Variants in DPP9 observed in about 807,000 individuals in gnomAD.
DPP9 encodes dipeptidyl peptidase IV-related protein-2.
A neutral mutation model predicts 110.7 loss-of-function variants in DPP9; 50 were observed. The ratio of observed to expected loss-of-function variants is 0.45; its 90% CI spans 0.36 to 0.57. The LOEUF is 0.57. DPP9 is among the 20% of genes least tolerant of loss of function. DPP9 has a pLI of 0.00. For synonymous variants in DPP9, 561 were observed against 514.4 expected, an observed-to-expected ratio of 1.09 and a Z score of -1.23; for missense variants, 1,022 against 1,217.9, an observed-to-expected ratio of 0.84 and a Z score of 2.39.
In DPP9 at chr19:4,684,876, T is replaced by C. The variant is rs1231550795; in HGVS notation, c.2032-67A>G. The C allele has an allele frequency of 6.4e-7, 1 of 1,550,978 alleles. No individual in the cohort carries two copies. On this transcript the variant is annotated intron_variant, in intron 17 of 21. Coordinates refer to ENST00000262960, the MANE Select transcript of DPP9 (RefSeq NM_139159.5). The surrounding 1 kb of genome is among the most constrained non-coding windows in gnomAD (Gnocchi z 4.8). ...GGCAGGACGGGCCTGGCAGGGGAGA[T>C]GCCGGTGGGCTGGGGACCGGGCCGG...
intron 16 of DPP9, among the ~76,000 whole-genome samples, chr19:4,686,882 G>C (rs2090790896): frequency 6.6e-6 from 1 of 152,230 alleles, no homozygotes; most frequent in Admixed American, 6.5e-5. Flanking sequence ...CTGTGTCTCT[G>C]TGTCATCTGC....
Position 4,704,219 on chromosome 19 carries a change from T to C in DPP9, c.512A>G (p.Tyr171Cys). ...KRLGVFGITSYDFHSESGLFL... is the reference protein window; with the variant it reads ...KRLGVFGITSCDFHSESGLFL... The stretch of plus-strand genomic sequence containing the variant: ...GAGGCCACTCTCGCTGTGGAAGTCG[T>C]AGGAGGTGATGCCGAAGACCCCCAG... Residue 171 changes from tyrosine (Y) to cysteine (C), a missense_variant, in exon 6 of 22, where the codon TAC (tyrosine) becomes TGC (cysteine). Physicochemically the swap from Tyr to Cys is radical, Grantham distance 194 (BLOSUM62 -2). This residue lies in a region of DPP9 where 810 missense variants were observed against 920.6 expected (regional missense o/e 0.88). Coordinates refer to ENST00000262960, the MANE Select transcript of DPP9 (RefSeq NM_139159.5). The surrounding 1 kb of genome is among the most constrained non-coding windows in gnomAD (Gnocchi z 6.0). 6.2e-7 allele frequency: 1 copy of C among 1,613,882 alleles called. No individual in the cohort carries two copies. The highest frequency in any genetic ancestry group is 1.3e-5 in the African/African-American group (1 of 75,008).
rs1256191650 is a variant in DPP9, at chr19:4,704,932, A to G, written c.427-628T>C. Among the ~76,000 whole-genome samples the G allele has an allele frequency of 6.6e-6, 1 of 152,150 alleles. No homozygotes were observed. Among genetic ancestry groups the G allele is most frequent in the Non-Finnish European group, 1.5e-5 (1 of 68,026 alleles). On this transcript the variant is annotated intron_variant, in intron 5 of 21. Transcript: ENST00000262960. This position sits in a 1 kb window ranked among gnomAD's most constrained non-coding sequence, Gnocchi z 6.0. ...AAGAATCACTTGAACCGGGAGGCAG[A>G]GGTTGCAGTGAGCCGAGATTGCGCC...
In DPP9 at chr19:4,718,255, G is replaced by T. The variant is rs559821470; in HGVS notation, c.56+1596C>A. On this transcript the variant is annotated intron_variant, in intron 3 of 21. Transcript: ENST00000262960. This position sits in a 1 kb window ranked among gnomAD's most constrained non-coding sequence, Gnocchi z 4.3. Reference sequence around the variant, plus strand: ...CTGTGATGTCTGTGTCTGAGCTGGTGCTTTGGTGGCGAGCGGGGGCGGGGG... The same window carrying T: ...CTGTGATGTCTGTGTCTGAGCTGGTTCTTTGGTGGCGAGCGGGGGCGGGGG... 6.6e-6 allele frequency among the ~76,000 whole-genome samples: 1 copy of T among 152,166 alleles called. No individual in the cohort carries two copies. The highest frequency in any genetic ancestry group is 2.4e-5 in the African/African-American group (1 of 41,432).
chr19:4,676,554 G>A lies in DPP9; in HGVS notation c.*10C>T. The A allele has an allele frequency of 6.3e-7, 1 of 1,586,858 alleles. No homozygotes were observed. Among genetic ancestry groups the A allele is most frequent in the Non-Finnish European group, 8.6e-7 (1 of 1,167,578 alleles). On this transcript the variant is annotated 3_prime_UTR_variant, in exon 22 of 22. Transcript: ENST00000262960. This position sits in a 1 kb window ranked among gnomAD's most constrained non-coding sequence, Gnocchi z 4.0. Reference sequence around the variant, plus strand: ...TTGTGCTGTGATGTGGCGGCTCCCGGTGGGCAGGCTCAGAGGTATTCCTGT... The same window carrying A: ...TTGTGCTGTGATGTGGCGGCTCCCGATGGGCAGGCTCAGAGGTATTCCTGT...
In DPP9 at chr19:4,693,218, C is replaced by T. The variant is rs573035718; in HGVS notation, c.1516+1443G>A. Reference sequence around the variant, plus strand: ...GCCCCAGAGAACCACCCGGCCCTGGCGTCCATGGTGTCCCTGCTCTAACTT... The same window carrying T: ...GCCCCAGAGAACCACCCGGCCCTGGTGTCCATGGTGTCCCTGCTCTAACTT... On this transcript the variant is annotated intron_variant, in intron 13 of 21. Coordinates refer to ENST00000262960, the MANE Select transcript of DPP9 (RefSeq NM_139159.5). This position sits in a 1 kb window ranked among gnomAD's most constrained non-coding sequence, Gnocchi z 5.0. Among the ~76,000 whole-genome samples the T allele has an allele frequency of 5.9e-5, 9 of 152,122 alleles. No homozygotes were observed. The highest frequency in any genetic ancestry group is 2.0e-4 in the Admixed American group (3 of 15,270).
chr19:4,722,690 C>A, intron 1 of DPP9, 139 bp from the exon 2 acceptor site: 1 of 645,822 alleles, frequency 1.5e-6, no homozygotes, highest in East Asian at 2.7e-5. Context: ...TGAAGCCCTG[C>A]AGCACTGTCT....
At chr19:4,677,241 CACG>C (rs1366663565) in intron 21 of DPP9, among the ~76,000 whole-genome samples, 8 of 152,148 alleles carry the variant, frequency 5.3e-5, no homozygotes, top group African/African-American at 1.9e-4. Context: ...GGTGGATCCA[CACG>C]GGGATGCAGG....
At chr19:4,713,975 C>A in intron 4 of DPP9, 106 bp downstream of exon 4, 1 of 1,433,420 alleles carries the variant, frequency 7.0e-7, no homozygotes. Context: ...GCCCAGCCAT[C>A]CGAGCAGATC....
At chr19:4,681,249 C>G (rs181167870) in intron 20 of DPP9, among the ~76,000 whole-genome samples, 1 of 152,284 alleles carries the variant, frequency 6.6e-6, no homozygotes, top group Admixed American at 6.5e-5. Flanking sequence ...TGGAAAGGTT[C>G]TGGAACCACT....
Position 4,695,427 on chromosome 19 carries a change from T to G in DPP9, c.1304A>C (p.Asn435Thr). The G allele has an allele frequency of 6.3e-7, 1 of 1,595,240 alleles. No homozygotes were observed. The highest frequency in any genetic ancestry group is 8.5e-7 in the Non-Finnish European group (1 of 1,171,240). The change falls in exon 12 of 22, where the codon AAT becomes ACT. Residue 435 changes from asparagine (N) to threonine (T), a missense_variant. Physicochemically the swap from Asn to Thr is moderately conservative, Grantham distance 65. Around this residue, in one of 3 missense-constraint regions of DPP9, gnomAD observed 810 missense variants for 920.6 expected, o/e 0.88. Coordinates refer to ENST00000262960, the MANE Select transcript of DPP9 (RefSeq NM_139159.5). This position sits in a 1 kb window ranked among gnomAD's most constrained non-coding sequence, Gnocchi z 4.7. Reference protein sequence around the residue: ...RLASARAVPRNVQPYVVYEEV... With the variant: ...RLASARAVPRTVQPYVVYEEV... The stretch of plus-strand genomic sequence containing the variant: ...CTCGTACACCACATACGGCTGGACA[T>G]TCCTGGGGACAGCTCTGGCAGAGGC...
intron 4 of DPP9, among the ~76,000 whole-genome samples, chr19:4,709,498 G>A (rs913519939): frequency 6.6e-6 from 1 of 152,280 alleles, no homozygotes; most frequent in Admixed American, 6.5e-5. Context: ...ATCTCTAAGA[G>A]CCCTTGAAGC....
chr19:4,687,861 G>A lies in DPP9; in HGVS notation c.1885+896C>T, dbSNP rs1234249292. On this transcript the variant is annotated intron_variant, in intron 16 of 21. Coordinates refer to ENST00000262960, the MANE Select transcript of DPP9 (RefSeq NM_139159.5). This position sits in a 1 kb window ranked among gnomAD's most constrained non-coding sequence, Gnocchi z 4.7. ...CGCCCAGGCTAAAGTACAGTGGTGCGATCTCAGCTCACTGCAACCTCTGTG... is the reference window on the plus strand; with the variant it reads ...CGCCCAGGCTAAAGTACAGTGGTGCAATCTCAGCTCACTGCAACCTCTGTG... Among the ~76,000 whole-genome samples, 1 of 152,040 alleles carries A rather than the reference G, an allele frequency of 6.6e-6. No individual in the cohort carries two copies. The highest frequency in any genetic ancestry group is 1.5e-5 in the Non-Finnish European group (1 of 68,006).
intron 13 of DPP9, among the ~76,000 whole-genome samples, chr19:4,692,719 C>T (rs575123413): frequency 2.0e-5 from 3 of 152,246 alleles, no homozygotes; most frequent in African/African-American, 4.8e-5. Flanking sequence ...CGTGAGCACT[C>T]GGGCTGGCCC....
chr19:4,705,355 C>A (rs1357268689), intron 5 of DPP9, among the ~76,000 whole-genome samples: 1 of 152,184 alleles, frequency 6.6e-6, no homozygotes, highest in East Asian at 1.9e-4. Context: ...TACCAATTAG[C>A]TGGAACTACA....
In DPP9 at chr19:4,710,727, G is replaced by A. The variant is rs1437328529; in HGVS notation, c.313+3354C>T. On this transcript the variant is annotated intron_variant, in intron 4 of 21. Coordinates refer to ENST00000262960, the MANE Select transcript of DPP9 (RefSeq NM_139159.5). This position sits in a 1 kb window ranked among gnomAD's most constrained non-coding sequence, Gnocchi z 5.6. ...GTTATTATTACTCAGGGGCTGGGGG[G>A]AGGCCTGCCCCGAGAACCTGGATGT... Among the ~76,000 whole-genome samples, 4 of 152,174 alleles carry A rather than the reference G, an allele frequency of 2.6e-5. No homozygotes were observed. Among genetic ancestry groups the A allele is most frequent in the Admixed American group, 2.6e-4 (4 of 15,280 alleles).
chr19:4,707,555 C>T (rs574155128), intron 4 of DPP9, among the ~76,000 whole-genome samples: 2 of 151,646 alleles, frequency 1.3e-5, no homozygotes, highest in African/African-American at 4.8e-5. Flanking sequence ...TGAGTTTCTC[C>T]AGGACGAAGC....
At position 4,694,617 on chromosome 19, in the gene DPP9, T is replaced by G; in HGVS notation, c.1516+44A>C. The G allele has an allele frequency of 6.3e-7, 1 of 1,586,640 alleles. No individual in the cohort carries two copies. The highest frequency in any genetic ancestry group is 8.6e-7 in the Non-Finnish European group (1 of 1,165,404). ...AACAAACAGCATATTGAACCACACG[T>G]GACTAACGCGATGAGTCGACAGCAT... On this transcript the variant is annotated intron_variant, in intron 13 of 21. Coordinates refer to ENST00000262960, the MANE Select transcript of DPP9 (RefSeq NM_139159.5). This position sits in a 1 kb window ranked among gnomAD's most constrained non-coding sequence, Gnocchi z 4.0.
chr19:4,680,017 G>A, intron 20 of DPP9, 71 bp from the exon 21 acceptor site: 3 of 1,147,336 alleles, frequency 2.6e-6, no homozygotes, highest in Non-Finnish European at 3.9e-6. Flanking sequence ...AGATCACAAG[G>A]TCAGGAGTTT....
Sources: allele counts gnomAD v4.1 joint callset (sites outside exome capture counted in the v4.1 genomes callset), GRCh38; gene constraint gnomAD v4.1.1; regional missense constraint gnomAD v4.1.1; non-coding constraint Gnocchi (gnomAD v3.1); transcripts MANE v1.5; gene names NCBI Gene and HGNC (gene_info 2026-07-23, HGNC 2026-07-21).